TRMT11: variants seen among roughly 807,000 people sequenced by gnomAD.
TRMT11 encodes the protein tRNA methyltransferase 11, also known as tRNA (guanine(10)-N(2))-methyltransferase TRMT11.
A neutral mutation model predicts 62.8 loss-of-function variants in TRMT11; 53 were observed. The observed-to-expected ratio is 0.84, with a 90% CI of 0.68 to 1.06. The LOEUF is 1.06. Among genes scored for constraint, TRMT11 ranks in the 50% least tolerant of loss-of-function variants. The pLI is 0.00. For synonymous variants in TRMT11, 188 were observed against 190.3 expected (o/e 0.99, Z 0.10); for missense variants, 556 against 553.4 (o/e 1.00, Z -0.05).
chr6:125,991,319 G>A (rs1254441788), intron 1 of TRMT11, among the ~76,000 whole-genome samples: 3 of 151,862 alleles, frequency 2.0e-5, no homozygotes, highest in Admixed American at 6.6e-5. Context: ...TGGCGTGACC[G>A]TGGCTCACTG....
intron 16 of TRMT11, among the ~76,000 whole-genome samples, chr6:126,046,453 T>G (rs1292045150): frequency 2.0e-5 from 3 of 152,192 alleles, no homozygotes; most frequent in African/African-American, 7.2e-5. Context: ...ATGTAAAGCC[T>G]TGCATACTGG....
chr6:126,179,069 A>G (rs916796101), intron 1 of TRMT11, among the ~76,000 whole-genome samples: 3 of 152,134 alleles, frequency 2.0e-5, no homozygotes, highest in Middle Eastern at 3.2e-3. Flanking sequence ...TCAAAATTAA[A>G]GTTATCAGCT....
chr6:126,237,673 C>T, the TRMT11 span, among the ~76,000 whole-genome samples: 3 of 151,536 alleles, frequency 2.0e-5, no homozygotes, highest in Admixed American at 6.6e-5. Flanking sequence ...AGGGTGAGAC[C>T]GGGTCTCATA....
intron 21 of TRMT11, among the ~76,000 whole-genome samples, chr6:126,151,903 T>TC (rs1491236007): frequency 0.022 from 319 of 14,782 alleles, 2 homozygotes; most frequent in South Asian, 0.045. Flanking sequence ...TTTCTTTCTT[T>TC]TCTCTTTCTT....
the TRMT11 span, among the ~76,000 whole-genome samples, chr6:126,243,485 C>T: frequency 5.9e-5 from 9 of 152,098 alleles, no homozygotes; most frequent in Non-Finnish European, 1.0e-4. Flanking sequence ...CACATGCACA[C>T]GTATGTTTAT....
At chr6:126,058,187 T>C (rs939234745) in intron 17 of TRMT11, among the ~76,000 whole-genome samples, 3 of 152,188 alleles carry the variant, frequency 2.0e-5, no homozygotes, top group African/African-American at 7.2e-5. Flanking sequence ...CTCCCACTTA[T>C]GAGTGAGAAC....
chr6:126,240,240 C>T, the TRMT11 span, among the ~76,000 whole-genome samples: 773 of 152,284 alleles, frequency 5.1e-3, 2 homozygotes, highest in Middle Eastern at 0.017. Flanking sequence ...AGCTTTGTTC[C>T]GTTGCTGGTG....
At chr6:126,060,040 A>T (rs1043928380) in intron 17 of TRMT11, among the ~76,000 whole-genome samples, 3 of 152,236 alleles carry the variant, frequency 2.0e-5, no homozygotes, top group Non-Finnish European at 4.4e-5. Context: ...TCTGCAGACC[A>T]TGATGTTGTC....
chr6:126,060,715 C>G (rs546683007), intron 17 of TRMT11, among the ~76,000 whole-genome samples: 2 of 152,308 alleles, frequency 1.3e-5, no homozygotes, highest in East Asian at 3.9e-4. Context: ...AAAGTTTCTT[C>G]TTTTTTCTTT....
intron 17 of TRMT11, among the ~76,000 whole-genome samples, chr6:126,110,989 G>A (rs1777524791): frequency 6.6e-6 from 1 of 152,098 alleles, no homozygotes; most frequent in South Asian, 2.1e-4. Flanking sequence ...ATTAGGTAAG[G>A]AGAAAATGAG....
intron 21 of TRMT11, among the ~76,000 whole-genome samples, chr6:126,155,680 G>A (rs1778110751): frequency 1.3e-5 from 2 of 152,180 alleles, no homozygotes; most frequent in African/African-American, 4.8e-5. Flanking sequence ...GAAAGGGACA[G>A]TAGGCTCCAT....
Position 126,013,111 on chromosome 6 carries a change from CTTAATT to C in TRMT11, c.1139+14_1139+19del. 1 of 1,587,920 alleles carries C rather than the reference CTTAATT, an allele frequency of 6.3e-7. No homozygotes were observed. Among genetic ancestry groups the C allele is most frequent in the Non-Finnish European group, 8.5e-7 (1 of 1,171,572 alleles). On this transcript the variant is annotated intron_variant, in intron 11 of 12. Transcript: ENST00000334379. ...CGGTGTATACGCCAGAGTATGTAATCTTAATTTTATTTTTAATTTCATTTTTCTTAC... is the reference window on the plus strand; with the variant it reads ...CGGTGTATACGCCAGAGTATGTAATCTTATTTTTAATTTCATTTTTCTTAC...
chr6:126,213,612 T>G, the TRMT11 span, among the ~76,000 whole-genome samples: 2 of 152,072 alleles, frequency 1.3e-5, no homozygotes, highest in African/African-American at 4.8e-5. Flanking sequence ...TTCAACTTAA[T>G]TGAATTTTAA....
the TRMT11 span, among the ~76,000 whole-genome samples, chr6:126,252,416 G>C: frequency 6.6e-6 from 1 of 152,216 alleles, no homozygotes; most frequent in Admixed American, 6.5e-5. Context: ...AAGAGTGACT[G>C]TTCTCTGAGT....
At chr6:125,989,402 A>C (rs1790245127) in intron 1 of TRMT11, among the ~76,000 whole-genome samples, 1 of 152,152 alleles carries the variant, frequency 6.6e-6, no homozygotes, top group Non-Finnish European at 1.5e-5. Flanking sequence ...GGCATGAGCC[A>C]CTGCGCCTGG....
At chr6:126,155,627 T>C (rs564005491) in intron 21 of TRMT11, among the ~76,000 whole-genome samples, 4 of 152,328 alleles carry the variant, frequency 2.6e-5, no homozygotes, top group Non-Finnish European at 5.9e-5. Flanking sequence ...AATACAGTCA[T>C]GGAGTACACA....
Position 126,165,300 on chromosome 6 carries a change from T to A in TRMT11, c.*1824-9525T>A, listed in dbSNP as rs182820874. 3.3e-3 allele frequency among the ~76,000 whole-genome samples: 499 copies of A among 151,694 alleles called. 3 individuals are homozygous for A. The highest frequency in any genetic ancestry group is 0.012 in the African/African-American group (480 of 41,372). On this transcript the variant is annotated intron_variant and NMD_transcript_variant, in intron 21 of 22. Coordinates refer to the TRMT11 transcript ENST00000648977. ...CTCAAAAAAAAAAAAAAAATTGCTA[T>A]GTGTGAATTTGATCCTGTCATTATG...
intron 17 of TRMT11, among the ~76,000 whole-genome samples, chr6:126,103,217 CT>C (rs1474562514): frequency 6.6e-6 from 1 of 152,202 alleles, no homozygotes; most frequent in Non-Finnish European, 1.5e-5. Context: ...TACGCTAATT[CT>C]CATTTGTCAT....
intron 17 of TRMT11, among the ~76,000 whole-genome samples, chr6:126,088,989 T>C (rs1318671419): frequency 6.6e-6 from 1 of 152,274 alleles, no homozygotes; most frequent in Non-Finnish European, 1.5e-5. Flanking sequence ...GATAATTGCA[T>C]AAATTGCTAG....
Sources: allele counts gnomAD v4.1 joint callset (sites outside exome capture counted in the v4.1 genomes callset), GRCh38; gene constraint gnomAD v4.1.1; transcripts MANE v1.5; gene names NCBI Gene and HGNC (gene_info 2026-07-23, HGNC 2026-07-21).